The following ELMO1 variants were observed in gnomAD, a reference collection of about 807,000 sequenced individuals.
The protein encoded by ELMO1 is engulfment and cell motility protein 1.
Under a neutral mutation model 98.9 loss-of-function variants are expected in ELMO1, and 26 were observed. The ratio of observed to expected loss-of-function variants is 0.26; its 90% CI spans 0.19 to 0.36. The LOEUF (loss-of-function observed/expected upper bound fraction) is 0.36. Among genes scored for constraint, ELMO1 ranks in the 10% least tolerant of loss-of-function variants. The probability of loss-of-function intolerance (pLI) is 1.00; values close to 1 mark genes in which losing one functional copy is unlikely to be tolerated. For synonymous variants in ELMO1, 346 were observed against 346.0 expected (o/e 1.00, Z 0.00); for missense variants, 627 against 935.2 (o/e 0.67, Z 4.30).
chr7:36,964,780 G>A (rs749850684), intron 16 of ELMO1, among the ~76,000 whole-genome samples: 3 of 151,960 alleles, frequency 2.0e-5, no homozygotes, highest in Non-Finnish European at 2.9e-5. Flanking sequence ...CATACACAAC[G>A]CATACGTGAG....
intron 1 of ELMO1, among the ~76,000 whole-genome samples, chr7:37,347,180 C>A (rs1453756208): frequency 2.6e-5 from 4 of 152,206 alleles, no homozygotes; most frequent in African/African-American, 7.2e-5. Flanking sequence ...CAGACTTTAT[C>A]CTCTTAAATT....
chr7:36,882,095 G>A (rs59235141), intron 18 of ELMO1, among the ~76,000 whole-genome samples: 6 of 152,164 alleles, frequency 3.9e-5, no homozygotes, highest in Admixed American at 1.3e-4. Context: ...ACCAAACCCC[G>A]AGACTGCCAT....
chr7:37,304,036 GT>G (rs557337146), intron 4 of ELMO1, among the ~76,000 whole-genome samples: 2 of 151,060 alleles, frequency 1.3e-5, no homozygotes, highest in African/African-American at 4.9e-5. Flanking sequence ...AACTTAGGCT[GT>G]TTTTTTTTCT....
At chr7:36,978,646 T>C (rs1790786348) in intron 16 of ELMO1, among the ~76,000 whole-genome samples, 1 of 152,178 alleles carries the variant, frequency 6.6e-6, no homozygotes, top group Admixed American at 6.5e-5. Flanking sequence ...GACTTACAAA[T>C]GTAAAAGCCA....
At chr7:37,147,995 A>T (rs1788109308) in intron 13 of ELMO1, among the ~76,000 whole-genome samples, 1 of 152,180 alleles carries the variant, frequency 6.6e-6, no homozygotes, top group Non-Finnish European at 1.5e-5. Context: ...GTGCCACTAC[A>T]GAAACAGGAA....
chr7:37,283,323 T>TA (rs1440640770), intron 4 of ELMO1, among the ~76,000 whole-genome samples: 1 of 152,162 alleles, frequency 6.6e-6, no homozygotes, highest in Non-Finnish European at 1.5e-5. Flanking sequence ...AAATTTAATT[T>TA]AAAAAAAGCA....
chr7:37,205,749 C>T (rs1792578686), intron 13 of ELMO1, among the ~76,000 whole-genome samples: 1 of 152,024 alleles, frequency 6.6e-6, no homozygotes, highest in African/African-American at 2.4e-5. Flanking sequence ...AGATTTTTTG[C>T]CACTGTGCAT....
rs543293895 is a variant in ELMO1, at chr7:37,031,562, C to A, written c.1301-18127G>T. ...TTCCCACTTCCAGGGGATTCTTTTA[C>A]GCCCATTCTCTATAGGCTGAGCCTT... On this transcript the variant is annotated intron_variant, in intron 15 of 21. Coordinates refer to ENST00000310758, the MANE Select transcript of ELMO1 (RefSeq NM_014800.11). Among the ~76,000 whole-genome samples, 51 of 152,242 alleles carry A rather than the reference C, an allele frequency of 3.3e-4. No individual in the cohort carries two copies. The South Asian group carries it at 0.01, about 30-fold the overall frequency.
intron 4 of ELMO1, among the ~76,000 whole-genome samples, chr7:37,278,940 G>A (rs780337627): frequency 3.3e-5 from 5 of 152,054 alleles, no homozygotes; most frequent in Non-Finnish European, 7.4e-5. Flanking sequence ...GGTGGCTCAC[G>A]CCTGTAATCC....
intron 4 of ELMO1, among the ~76,000 whole-genome samples, chr7:37,292,028 G>C (rs1477290508): frequency 8.0e-6 from 1 of 125,062 alleles, no homozygotes; most frequent in African/African-American, 2.7e-5. Context: ...CTGCCATCTC[G>C]GCTCACTGCA....
intron 13 of ELMO1, among the ~76,000 whole-genome samples, chr7:37,147,436 A>T (rs140422986): frequency 6.6e-6 from 1 of 152,104 alleles, no homozygotes; most frequent in African/African-American, 2.4e-5. Flanking sequence ...CAACTCCACA[A>T]CTTTACCCCT....
At position 37,308,943 on chromosome 7, in the gene ELMO1, T is replaced by A. The variant is rs78796122; in HGVS notation, c.192+5907A>T. On this transcript the variant is annotated intron_variant, in intron 4 of 21. Transcript: ENST00000310758. ...ACATGGGTTTAACAGAGGAGACCCA[T>A]GTTAGGCATGTTAGGCATGTTAGGC... Among the ~76,000 whole-genome samples the A allele has an allele frequency of 3.1e-4, 47 of 150,988 alleles. 1 individual carries two copies. In the East Asian group the frequency reaches 6.4e-3, roughly 20 times the overall value.
intron 16 of ELMO1, among the ~76,000 whole-genome samples, chr7:36,930,556 ACT>A (rs1216516982): frequency 6.6e-6 from 1 of 152,102 alleles, no homozygotes. Flanking sequence ...TCTGTTACTC[ACT>A]CCTGTATTCC....
chr7:37,042,437 C>G (rs1183624393), intron 15 of ELMO1, among the ~76,000 whole-genome samples: 1 of 152,092 alleles, frequency 6.6e-6, no homozygotes, highest in Non-Finnish European at 1.5e-5. Flanking sequence ...ATTCTGATTT[C>G]TTTCTTTCCT....
intron 1 of ELMO1, among the ~76,000 whole-genome samples, chr7:37,441,265 G>A (rs966979346): frequency 1.3e-5 from 2 of 151,704 alleles, no homozygotes; most frequent in African/African-American, 2.4e-5. Context: ...ATATTTCTAC[G>A]GCACTTAAGC....
At chr7:37,148,941 C>A (rs1269722781) in intron 13 of ELMO1, among the ~76,000 whole-genome samples, 1 of 152,172 alleles carries the variant, frequency 6.6e-6, no homozygotes, top group Non-Finnish European at 1.5e-5. Flanking sequence ...GCTATGATGT[C>A]CAACAAAGAA....
chr7:36,894,545 G>GA (rs1474988202), intron 17 of ELMO1, among the ~76,000 whole-genome samples: 2 of 151,940 alleles, frequency 1.3e-5, no homozygotes, highest in South Asian at 2.1e-4. Flanking sequence ...TGGTCAAAGA[G>GA]AAAAAAAATT....
intron 8 of ELMO1, among the ~76,000 whole-genome samples, chr7:37,230,400 T>G (rs1794104347): frequency 6.6e-6 from 1 of 152,098 alleles, no homozygotes; most frequent in Admixed American, 6.5e-5. Flanking sequence ...TAAGCAAGGC[T>G]CCGGGAACTA....
intron 16 of ELMO1, among the ~76,000 whole-genome samples, chr7:36,972,679 T>A (rs1411041457): frequency 6.6e-6 from 1 of 152,222 alleles, no homozygotes; most frequent in East Asian, 1.9e-4. Flanking sequence ...CCATCTGATG[T>A]CCTCATTTTA....
Sources: gnomAD v4.1 joint callset for allele counts (sites outside exome capture counted in the v4.1 genomes callset) on GRCh38, gnomAD v4.1.1 for gene constraint, MANE v1.5 for transcripts, NCBI Gene and HGNC (gene_info 2026-07-23, HGNC 2026-07-21) for gene names.